PCSK1: variants seen among roughly 807,000 people sequenced by gnomAD.
PCSK1 encodes neuroendocrine convertase 1.
PCSK1 carries 56 observed loss-of-function variants against 90.6 expected under a neutral mutation model. The observed-to-expected ratio is 0.62, with a 90% CI of 0.50 to 0.77. The LOEUF is 0.77. Ranked by LOEUF, PCSK1 falls within the 30% of genes least tolerant of loss-of-function variation. PCSK1 has a pLI of 0.00. For missense variants in PCSK1, 801 were observed against 932.6 expected (o/e 0.86, Z 1.84); for synonymous variants, 348 against 342.4 (o/e 1.02, Z -0.18).
intron 2 of PCSK1, among the ~76,000 whole-genome samples, chr5:96,427,205 C>A (rs1354282387): frequency 6.6e-6 from 1 of 152,036 alleles, no homozygotes; most frequent in Non-Finnish European, 1.5e-5. Context: ...AAATGAAAAC[C>A]AAGAGCAATT....
At chr5:96,395,415 C>T (rs575788349) in intron 12 of PCSK1, among the ~76,000 whole-genome samples, 30 of 152,212 alleles carry the variant, frequency 2.0e-4, no homozygotes, top group African/African-American at 4.1e-4. Context: ...ATTAATAAGC[C>T]CTTAAAAATT....
chr5:96,417,243 A>G (rs955546110), intron 5 of PCSK1, among the ~76,000 whole-genome samples: 13 of 152,198 alleles, frequency 8.5e-5, no homozygotes, highest in Non-Finnish European at 1.3e-4. Context: ...AGCAAAGATG[A>G]TTTCCTGGTC....
Position 96,400,202 on chromosome 5 carries a change from C to A in PCSK1, c.1197-16G>T. 1 of 1,564,502 alleles carries A rather than the reference C, an allele frequency of 6.4e-7. No homozygotes were observed. The highest frequency in any genetic ancestry group is 8.8e-7 in the Non-Finnish European group (1 of 1,134,762). On this transcript the variant is annotated splice_polypyrimidine_tract_variant and intron_variant, in intron 9 of 13. Transcript: ENST00000311106. Reference sequence around the variant, plus strand: ...GAGATTTGGGCTGGAGGGGAAGTGACCCAAAGTGTCTTTCAGAGAAAAATG... The same window carrying A: ...GAGATTTGGGCTGGAGGGGAAGTGAACCAAAGTGTCTTTCAGAGAAAAATG...
Position 96,421,934 on chromosome 5 carries a change from A to C in PCSK1, c.566T>G (p.Phe189Cys). 1.3e-6 allele frequency: 2 copies of C among 1,575,966 alleles called. No homozygotes were observed. Among genetic ancestry groups the C allele is most frequent in the Middle Eastern group, 1.7e-4 (1 of 5,964 alleles). The change falls in exon 5 of 14, where the codon TTT becomes TGT. Residue 189 changes from phenylalanine to cysteine, a missense_variant. Coordinates refer to ENST00000311106, the MANE Select transcript of PCSK1 (RefSeq NM_000439.5). Reference protein sequence around the residue: ...ANYDPEASYDFNDNDHDPFPR... With the variant: ...ANYDPEASYDCNDNDHDPFPR... Reference sequence around the variant, plus strand: ...AAATGGATCATGGTCATTATCATTAAAATCATAGCTAGCCTCTGGATCCTA... The same window carrying C: ...AAATGGATCATGGTCATTATCATTACAATCATAGCTAGCCTCTGGATCCTA...
intron 3 of PCSK1, among the ~76,000 whole-genome samples, chr5:96,424,972 AG>A (rs1761236537): frequency 4.3e-5 from 6 of 139,544 alleles, no homozygotes; most frequent in African/African-American, 1.9e-4. Context: ...AAAAAAAAAA[AG>A]AAAGATAGAA....
intron 3 of PCSK1, among the ~76,000 whole-genome samples, chr5:96,423,988 A>G (rs751941701): frequency 1.4e-4 from 21 of 152,164 alleles, no homozygotes; most frequent in Admixed American, 6.5e-5. Context: ...GCCTATTTTT[A>G]AGTATGAGTG....
intron 7 of PCSK1, among the ~76,000 whole-genome samples, chr5:96,412,061 A>T (rs1760772511): frequency 6.6e-6 from 1 of 152,194 alleles, no homozygotes; most frequent in South Asian, 2.1e-4. Flanking sequence ...GGGTTTCTCC[A>T]TATTGGCCAC....
Position 96,425,925 on chromosome 5 carries a change from T to C in PCSK1, c.291A>G (p.Ile97Met). ...CTTTTTCATACTGTTGTTCAGCCCATATCACCTACAAGGATTTTTATAGCA... is the reference window on the plus strand; with the variant it reads ...CTTTTTCATACTGTTGTTCAGCCCACATCACCTACAAGGATTTTTATAGCA... ...TKRLSDDDRV[I>M]WAEQQYEKER... is the part of the protein sequence containing the mutation. The change falls in exon 3 of 14, where the codon ATA becomes ATG. Residue 97 changes from isoleucine (I) to methionine (M), a missense_variant. Physicochemically the swap from Ile to Met is conservative, Grantham distance 10. Transcript: ENST00000311106. 2.5e-6 allele frequency: 4 copies of C among 1,596,166 alleles called. No individual in the cohort carries two copies. The highest frequency in any genetic ancestry group is 3.4e-6 in the Non-Finnish European group (4 of 1,164,226).
At position 96,421,867 on chromosome 5, in the gene PCSK1, C is replaced by A; in HGVS notation, c.620+13G>T. The A allele has an allele frequency of 7.4e-7, 1 of 1,343,472 alleles. No homozygotes were observed. The highest frequency in any genetic ancestry group is 1.1e-6 in the Non-Finnish European group (1 of 933,820). The allele number at this position is 1,343,472 out of a possible 1,614,324, so 83.2% of individuals were successfully genotyped here. ...TAAAGTACTTTATTTCACACAAATG[C>A]ATATTTACTCACTTGTTCTCGTTTG... On this transcript the variant is annotated intron_variant, in intron 5 of 13. Transcript: ENST00000311106.
At chr5:96,429,910 T>C (rs1761438147) in intron 1 of PCSK1, among the ~76,000 whole-genome samples, 1 of 152,222 alleles carries the variant, frequency 6.6e-6, no homozygotes, top group African/African-American at 2.4e-5. Flanking sequence ...ATGTTTTTCA[T>C]GTGTGACAAT....
chr5:96,433,171 C>A lies in PCSK1; in HGVS notation c.-129G>T, dbSNP rs561873577. The A allele has an allele frequency of 4.7e-5, 42 of 901,962 alleles. No individual in the cohort carries two copies. Among genetic ancestry groups the A allele is most frequent in the African/African-American group, 2.1e-4 (13 of 61,346 alleles). The allele number at this position is 901,962 out of a possible 1,614,324, so 55.9% of individuals were successfully genotyped here. A position where few individuals can be genotyped will look rare whatever the true frequency, so the allele number is the denominator to read the frequency against. ...CCACTCCTGGCTCCTGGTTGCTCTG[C>A]GAAGAGCTAGGAGGCGCGAGAGGAG... is the stretch of plus-strand genomic sequence containing the variant. On this transcript the variant is annotated 5_prime_UTR_variant, in exon 1 of 14. Coordinates refer to ENST00000311106, the MANE Select transcript of PCSK1 (RefSeq NM_000439.5).
At chr5:96,421,385 C>A (rs961917057) in intron 5 of PCSK1, among the ~76,000 whole-genome samples, 9 of 101,022 alleles carry the variant, frequency 8.9e-5, no homozygotes, top group Non-Finnish European at 1.5e-4. Flanking sequence ...AGGGGCCAGA[C>A]CTCAGAGGCA....
intron 5 of PCSK1, among the ~76,000 whole-genome samples, chr5:96,419,395 T>G (rs546206585): frequency 1.3e-5 from 2 of 148,444 alleles, no homozygotes; most frequent in Non-Finnish European, 1.5e-5. Flanking sequence ...TATATATATA[T>G]ATATAAACTC....
At chr5:96,397,103 T>C (rs897103232) in intron 12 of PCSK1, among the ~76,000 whole-genome samples, 1 of 152,210 alleles carries the variant, frequency 6.6e-6, no homozygotes, top group East Asian at 1.9e-4. Flanking sequence ...TGTCACATTG[T>C]TTATATAAGT....
Position 96,392,887 on chromosome 5 carries a change from C to G in PCSK1, c.*114G>C. ...TTAGGGAGAAAAAGAAAAGGTGCCA[C>G]AAAGGATATTATAAGCATAAGAATT... On this transcript the variant is annotated 3_prime_UTR_variant, in exon 14 of 14. Transcript: ENST00000311106. 9.3e-7 allele frequency: 1 copy of G among 1,080,882 alleles called. No individual in the cohort carries two copies. The highest frequency in any genetic ancestry group is 1.4e-6 in the Non-Finnish European group (1 of 711,092). The allele number at this position is 1,080,882 out of a possible 1,614,324, so 67.0% of individuals were successfully genotyped here. A position where few individuals can be genotyped will look rare whatever the true frequency, so the allele number is the denominator to read the frequency against.
rs1219946799 is a variant in PCSK1, at chr5:96,392,773, G to A, written c.*228C>T. 1.4e-5 allele frequency: 8 copies of A among 578,988 alleles called. No individual in the cohort carries two copies. The East Asian group carries it at 2.4e-4, about 17-fold the overall frequency. The allele number at this position is 578,988 out of a possible 1,614,324, so 35.9% of individuals were successfully genotyped here. ...AGAAAGAACAAAACACTTCACTTGT[G>A]CAGACAGGAAAGATGTGTTTTGAAA... On this transcript the variant is annotated 3_prime_UTR_variant, in exon 14 of 14. Coordinates refer to ENST00000311106, the MANE Select transcript of PCSK1 (RefSeq NM_000439.5).
Position 96,408,247 on chromosome 5 carries a change from A to G in PCSK1, c.1172T>C (p.Ile391Thr), listed in dbSNP as rs1760637810. 1 of 1,613,940 alleles carries G rather than the reference A, an allele frequency of 6.2e-7. No homozygotes were observed. Among genetic ancestry groups the G allele is most frequent in the Non-Finnish European group, 8.5e-7 (1 of 1,179,904 alleles). The part of the protein sequence containing the change: ...TSASAPLAAG[I>T]FALALEANPN... ...CTTTGCTTCCAGGGCCAGAGCGAAG[A>G]TGCCAGCAGCCAGAGGTGCAGAGGC... The change falls in exon 9 of 14, where the codon ATC (isoleucine) becomes ACC (threonine). Residue 391 changes from isoleucine (I) to threonine (T), a missense_variant. Coordinates refer to ENST00000311106, the MANE Select transcript of PCSK1 (RefSeq NM_000439.5).
intron 13 of PCSK1, among the ~76,000 whole-genome samples, 186 bp from the exon 14 acceptor site, chr5:96,393,564 AC>A (rs747013015): frequency 1.1e-4 from 16 of 152,144 alleles, no homozygotes; most frequent in Admixed American, 2.0e-4. Flanking sequence ...CCTCTGGGGT[AC>A]CTTTAACAAC....
chr5:96,421,665 G>A (rs1761133098), intron 5 of PCSK1, among the ~76,000 whole-genome samples: 2 of 152,058 alleles, frequency 1.3e-5, no homozygotes, highest in Non-Finnish European at 2.9e-5. Flanking sequence ...CATAATGTAA[G>A]AAGTTTAATG....
Sources: allele counts gnomAD v4.1 joint callset (sites outside exome capture counted in the v4.1 genomes callset), GRCh38; gene constraint gnomAD v4.1.1; transcripts MANE v1.5; gene names NCBI Gene and HGNC (gene_info 2026-07-23, HGNC 2026-07-21).